Variants in IQGAP2 observed in about 807,000 individuals in gnomAD.
The protein encoded by IQGAP2 is IQ motif containing GTPase activating protein 2.
Under a neutral mutation model 201.3 loss-of-function variants are expected in IQGAP2, and 173 were observed. The ratio of observed to expected loss-of-function variants is 0.86; its 90% CI spans 0.76 to 0.98. The LOEUF is 0.98. IQGAP2 is among the 50% of genes least tolerant of loss of function. The pLI is 0.00. For missense variants in IQGAP2, 1,687 were observed against 1,864.8 expected (o/e 0.90, Z 1.76); for synonymous variants, 675 against 673.9 (o/e 1.00, Z -0.03).
intron 2 of IQGAP2, among the ~76,000 whole-genome samples, chr5:76,551,938 C>T (rs1743579704): frequency 6.6e-6 from 1 of 151,100 alleles, no homozygotes; most frequent in Non-Finnish European, 1.5e-5. Context: ...TTCTTCAAGG[C>T]CCCAGGTGGC....
chr5:76,470,458 G>A (rs1000703627), intron 2 of IQGAP2, among the ~76,000 whole-genome samples: 4 of 152,118 alleles, frequency 2.6e-5, no homozygotes, highest in African/African-American at 9.7e-5. Flanking sequence ...CCCCAGAAAG[G>A]GAATTTGAGG....
At chr5:76,677,174 G>T (rs904179899) in intron 27 of IQGAP2, 44 bp from the exon 28 acceptor site, 6 of 1,576,470 alleles carry the variant, frequency 3.8e-6, no homozygotes, top group Non-Finnish European at 5.2e-6. Flanking sequence ...ACTGTTTAAT[G>T]CACATGTTTG....
chr5:76,682,548 A>T (rs1490031958), intron 28 of IQGAP2, among the ~76,000 whole-genome samples: 1 of 151,910 alleles, frequency 6.6e-6, no homozygotes, highest in African/African-American at 2.4e-5. Flanking sequence ...TTCCTGTAAG[A>T]CCTGGCAAGA....
At chr5:76,562,364 T>A (rs1376098629) in intron 2 of IQGAP2, 32 bp from the exon 3 acceptor site, 1 of 1,537,372 alleles carries the variant, frequency 6.5e-7, no homozygotes, top group South Asian at 1.2e-5. Context: ...CCAACTGGAA[T>A]CACTTTAATA....
rs1035387152 is a variant in IQGAP2, at chr5:76,701,335, A to G, written c.4505+122A>G. ...ATTACTGATGGGTGACAAGGGAAGA[A>G]TACACAAATTGTTATGGCTACTCTT... On this transcript the variant is annotated intron_variant, in intron 34 of 35. Coordinates refer to ENST00000274364, the MANE Select transcript of IQGAP2 (RefSeq NM_006633.5). 2.0e-5 allele frequency: 18 copies of G among 895,540 alleles called. No homozygotes were observed. In the African/African-American group the frequency reaches 3.0e-4, roughly 15 times the overall value. 55.5% of individuals were successfully genotyped at this position (895,540 alleles called of 1,614,324 possible).
chr5:76,632,061 A>G (rs759854880), intron 15 of IQGAP2, 35 bp downstream of exon 15: 8 of 1,491,520 alleles, frequency 5.4e-6, no homozygotes, highest in South Asian at 3.8e-5. Flanking sequence ...CAAACTAAGT[A>G]TTTTAAATAT....
intron 20 of IQGAP2, among the ~76,000 whole-genome samples, chr5:76,655,988 T>C (rs2150438836): frequency 6.6e-6 from 1 of 152,338 alleles, no homozygotes; most frequent in East Asian, 1.9e-4. Flanking sequence ...AGCCAGCACC[T>C]TTTATTGTCT....
At chr5:76,560,367 A>T (rs3913473) in intron 2 of IQGAP2, among the ~76,000 whole-genome samples, 26,811 of 147,186 alleles carry the variant, frequency 0.18, 2,735 homozygotes, top group Admixed American at 0.29. Context: ...TGTGCTGCCC[A>T]GCCTGGTTCA....
Position 76,403,608 on chromosome 5 carries a change from C to G in IQGAP2, c.46+17C>G, listed in dbSNP as rs902050569. 4 of 1,522,734 alleles carry G rather than the reference C, an allele frequency of 2.6e-6. No homozygotes were observed. The highest frequency in any genetic ancestry group is 3.5e-6 in the Non-Finnish European group (4 of 1,137,852). The allele number at this position is 1,522,734 out of a possible 1,614,324, so 94.3% of individuals were successfully genotyped here. On this transcript the variant is annotated intron_variant, in intron 1 of 35. Coordinates refer to ENST00000274364, the MANE Select transcript of IQGAP2 (RefSeq NM_006633.5). The surrounding 1 kb of genome is among the most constrained non-coding windows in gnomAD (Gnocchi z 4.8). ...GCTATGGCTGTAAGTGCGCCGGGCG[C>G]GCGGGGTTCCTGCTGGCCTTGGGGA... is the stretch of plus-strand genomic sequence containing the variant.
chr5:76,645,537 C>T (rs1403951665), intron 17 of IQGAP2, among the ~76,000 whole-genome samples: 2 of 152,172 alleles, frequency 1.3e-5, no homozygotes, highest in Non-Finnish European at 2.9e-5. Context: ...TTAATGATTG[C>T]CATTCCAACT....
chr5:76,408,617 T>C (rs898206281), intron 1 of IQGAP2, among the ~76,000 whole-genome samples: 1 of 152,002 alleles, frequency 6.6e-6, no homozygotes, highest in Non-Finnish European at 1.5e-5. Context: ...CTATTTATGC[T>C]GGATGTGGTG....
chr5:76,464,403 G>A (rs1754660994), intron 2 of IQGAP2, among the ~76,000 whole-genome samples: 1 of 152,242 alleles, frequency 6.6e-6, no homozygotes, highest in Non-Finnish European at 1.5e-5. Flanking sequence ...ATGCACATAT[G>A]TGTGTTCACA....
At chr5:76,655,721 A>G (rs1280008442) in intron 20 of IQGAP2, among the ~76,000 whole-genome samples, 1 of 152,224 alleles carries the variant, frequency 6.6e-6, no homozygotes, top group Non-Finnish European at 1.5e-5. Context: ...TGCTGGGATT[A>G]CAGATTAAAT....
Position 76,590,505 on chromosome 5 carries a change from A to G in IQGAP2, c.738A>G (p.Leu246=). 1 of 1,614,000 alleles carries G rather than the reference A, an allele frequency of 6.2e-7. No homozygotes were observed. ...GAAACCCAAATGCGGTTTTAACTTT[A>G]GTGGATGACAACCTTGCACCAGAAT... ...TLRNPNAVLT[L]VDDNLAPEYQ... is the part of the protein sequence containing the mutation. Residue 246 remains leucine (L), a synonymous_variant, in exon 8 of 36, where the codon TTA becomes TTG. Coordinates refer to ENST00000274364, the MANE Select transcript of IQGAP2 (RefSeq NM_006633.5).
chr5:76,571,499 A>T (rs568384519), intron 4 of IQGAP2, among the ~76,000 whole-genome samples: 1 of 152,286 alleles, frequency 6.6e-6, no homozygotes, highest in South Asian at 2.1e-4. Flanking sequence ...AATTATCATT[A>T]TAAATCATAA....
chr5:76,424,788 G>C (rs1169816821), intron 1 of IQGAP2, among the ~76,000 whole-genome samples: 1 of 152,174 alleles, frequency 6.6e-6, no homozygotes, highest in East Asian at 1.9e-4. Flanking sequence ...CTTAGCTCTG[G>C]TTTCCTCTCC....
chr5:76,419,663 CTTTTCTTTTCT>C (rs1751615294), intron 1 of IQGAP2, among the ~76,000 whole-genome samples: 1 of 112,596 alleles, frequency 8.9e-6, no homozygotes, highest in Non-Finnish European at 2.0e-5. Flanking sequence ...TTTTCTTTTT[CTTTTCTTTTCT>C]TTTTTTTTTT....
intron 2 of IQGAP2, among the ~76,000 whole-genome samples, chr5:76,504,917 G>A (rs948671065): frequency 6.6e-6 from 1 of 152,070 alleles, no homozygotes; most frequent in African/African-American, 2.4e-5. Flanking sequence ...GTCCCTCTCT[G>A]CCCTGCTTAG....
Position 76,461,367 on chromosome 5 carries a change from C to CA in IQGAP2, c.47-189dup, listed in dbSNP as rs35974708. Among the ~76,000 whole-genome samples the CA allele has an allele frequency of 5.9e-3, 573 of 96,622 alleles. 1 individual carries two copies. Among genetic ancestry groups the CA allele is most frequent in the East Asian group, 9.7e-3 (30 of 3,090 alleles). The allele number at this position is 96,622 out of a possible 152,430, so 63.4% of individuals were successfully genotyped here. On this transcript the variant is annotated intron_variant, in intron 1 of 35. Transcript: ENST00000274364. ...TGGGTGACAGTGCCAGTTCCTGTCT[C>CA]AAAAAAAAAAAAAATAAAAATAAAG...
Sources: allele counts gnomAD v4.1 joint callset (sites outside exome capture counted in the v4.1 genomes callset), GRCh38; gene constraint gnomAD v4.1.1; non-coding constraint Gnocchi (gnomAD v3.1); transcripts MANE v1.5; gene names NCBI Gene and HGNC (gene_info 2026-07-23, HGNC 2026-07-21).